Variants in ACOT12 observed in about 807,000 individuals in gnomAD.
The protein encoded by ACOT12 is acetyl-coenzyme A thioesterase.
A neutral mutation model predicts 67.7 loss-of-function variants in ACOT12; 51 were observed. The ratio of observed to expected loss-of-function variants is 0.75; its 90% confidence interval spans 0.60 to 0.95. The LOEUF is 0.95. Ranked by LOEUF, ACOT12 falls within the 40% of genes least tolerant of loss-of-function variation. ACOT12 has a pLI of 0.00. For missense variants in ACOT12, 734 were observed against 708.1 expected (o/e 1.04, Z -0.41); for synonymous variants, 251 against 244.6 (o/e 1.03, Z -0.24).
intron 5 of ACOT12, among the ~76,000 whole-genome samples, chr5:81,359,653 C>T (rs1759840312): frequency 6.6e-6 from 1 of 152,184 alleles, no homozygotes; most frequent in South Asian, 2.1e-4. Flanking sequence ...CTAATGACTG[C>T]CTGGTCCCTG....
chr5:81,314,096 TTG>T, the ACOT12 span, among the ~76,000 whole-genome samples: 26 of 151,792 alleles, frequency 1.7e-4, no homozygotes, highest in Middle Eastern at 3.4e-3. Context: ...GGATTACTTT[TTG>T]TGTGTGTGTG....
chr5:81,337,887 A>G (rs1759053812), intron 11 of ACOT12, among the ~76,000 whole-genome samples: 1 of 152,162 alleles, frequency 6.6e-6, no homozygotes, highest in Non-Finnish European at 1.5e-5. Context: ...TCTGCTTCCT[A>G]TCCTGGAGCC....
At chr5:81,379,186 T>C (rs967207284) in intron 2 of ACOT12, among the ~76,000 whole-genome samples, 5 of 151,970 alleles carry the variant, frequency 3.3e-5, no homozygotes, top group Admixed American at 6.6e-5. Flanking sequence ...TGCAGGGACA[T>C]TGATGAAGCT....
chr5:81,381,843 G>A (rs1407624129), intron 2 of ACOT12, among the ~76,000 whole-genome samples: 1 of 152,194 alleles, frequency 6.6e-6, no homozygotes, highest in African/African-American at 2.4e-5. Flanking sequence ...ACTTAAGAAT[G>A]TATGAAGTCA....
chr5:81,308,668 G>A, the ACOT12 span: 1 of 1,613,430 alleles, frequency 6.2e-7, no homozygotes, highest in Non-Finnish European at 8.5e-7. Context: ...GGTCCACAGA[G>A]CACGAAATAA....
intron 4 of ACOT12, among the ~76,000 whole-genome samples, chr5:81,363,110 T>A (rs552585316): frequency 3.3e-5 from 5 of 152,040 alleles, no homozygotes; most frequent in African/African-American, 1.2e-4. Flanking sequence ...ATATTCCAGA[T>A]TGAATTATCA....
intron 11 of ACOT12, 126 bp downstream of exon 11, chr5:81,342,546 G>A (rs1759230710): frequency 1.0e-6 from 1 of 952,650 alleles, no homozygotes; most frequent in African/African-American, 1.6e-5. Context: ...TTGCGTCTTA[G>A]AAACAGTTTC....
chr5:81,308,829 G>T, the ACOT12 span: 2 of 1,408,606 alleles, frequency 1.4e-6, no homozygotes, highest in South Asian at 1.5e-5. Context: ...GAAATCATAT[G>T]AGATTAAATT....
chr5:81,321,276 G>GA, the ACOT12 span, among the ~76,000 whole-genome samples: 1 of 151,912 alleles, frequency 6.6e-6, no homozygotes, highest in Admixed American at 6.6e-5. Context: ...AAAGAGAAAA[G>GA]AAAAAAACCA....
In ACOT12 at chr5:81,363,812, T is replaced by A. The variant is rs1759991416; in HGVS notation, c.336A>T (p.Val112=). ...KLVSVAFSTF[V]AKPVGKEKIH... ...CCTTTTCTTTTCCAACTGGTTTGGC[T>A]ACAAATGTGGAGAAAGCCACACTAA... The change falls in exon 4 of 15, where the codon GTA becomes GTT. Residue 112 remains valine (V), a synonymous_variant. Coordinates refer to ENST00000307624, the MANE Select transcript of ACOT12 (RefSeq NM_130767.3). 1 of 1,611,102 alleles carries A rather than the reference T, an allele frequency of 6.2e-7. No homozygotes were observed. Among genetic ancestry groups the A allele is most frequent in the South Asian group, 1.1e-5 (1 of 90,702 alleles).
At chr5:81,317,385 C>G in the ACOT12 span, among the ~76,000 whole-genome samples, 1 of 151,876 alleles carries the variant, frequency 6.6e-6, no homozygotes, top group African/African-American at 2.4e-5. Flanking sequence ...ACATGTAATC[C>G]CAGCTACTCA....
At chr5:81,337,045 A>G (rs1454429243) in intron 11 of ACOT12, among the ~76,000 whole-genome samples, 3 of 152,202 alleles carry the variant, frequency 2.0e-5, no homozygotes. Flanking sequence ...AAAACTAGGG[A>G]TGGGGCTCCA....
intron 4 of ACOT12, among the ~76,000 whole-genome samples, chr5:81,360,808 C>A (rs1759881662): frequency 1.3e-5 from 2 of 152,084 alleles, no homozygotes; most frequent in Admixed American, 6.5e-5. Context: ...CACCTATAAT[C>A]CCAGCACTTT....
chr5:81,352,857 C>T (rs773232443), intron 5 of ACOT12, among the ~76,000 whole-genome samples: 4 of 152,110 alleles, frequency 2.6e-5, no homozygotes, highest in Non-Finnish European at 5.9e-5. Flanking sequence ...TAAATATATA[C>T]ACCTACTGTG....
intron 1 of ACOT12, among the ~76,000 whole-genome samples, chr5:81,387,743 T>A (rs761475776): frequency 2.0e-5 from 3 of 152,114 alleles, no homozygotes; most frequent in Non-Finnish European, 2.9e-5. Flanking sequence ...CAGGGTCTCA[T>A]GATTTTGCCC....
intron 2 of ACOT12, among the ~76,000 whole-genome samples, chr5:81,382,672 G>A (rs1223763763): frequency 9.2e-5 from 14 of 152,006 alleles, no homozygotes; most frequent in Non-Finnish European, 1.8e-4. Context: ...GTTGTGGCAG[G>A]CCCCTGTAAT....
intron 11 of ACOT12, among the ~76,000 whole-genome samples, chr5:81,341,700 G>A (rs1481764250): frequency 6.6e-6 from 1 of 152,180 alleles, no homozygotes; most frequent in African/African-American, 2.4e-5. Context: ...TCTAGTTATT[G>A]TGGGCATGAG....
chr5:81,360,151 G>A (rs1249421885), intron 4 of ACOT12, 113 bp from the exon 5 acceptor site: 1 of 1,042,968 alleles, frequency 9.6e-7, no homozygotes, highest in Admixed American at 3.2e-5. Context: ...AGTAAATAGA[G>A]CTTTTATGAG....
chr5:81,344,658 A>G (rs1314785758), intron 8 of ACOT12, among the ~76,000 whole-genome samples: 1 of 152,214 alleles, frequency 6.6e-6, no homozygotes, highest in East Asian at 1.9e-4. Flanking sequence ...TCCTACCCAC[A>G]GCAGTGTGTA....
Sources: allele counts gnomAD v4.1 joint callset (sites outside exome capture counted in the v4.1 genomes callset), GRCh38; gene constraint gnomAD v4.1.1; transcripts MANE v1.5; gene names NCBI Gene and HGNC (gene_info 2026-07-23, HGNC 2026-07-21).